CACNB2: variants seen among roughly 807,000 people sequenced by gnomAD.
CACNB2 encodes the protein calcium voltage-gated channel auxiliary subunit beta 2, also known as voltage-dependent L-type calcium channel subunit beta-2.
A neutral mutation model predicts 73.3 loss-of-function variants in CACNB2; 42 were observed. The ratio of observed to expected loss-of-function variants is 0.57; its 90% CI spans 0.45 to 0.74. CACNB2 has a LOEUF of 0.74. Ranked by LOEUF, CACNB2 falls within the 30% of genes least tolerant of loss-of-function variation. CACNB2 has a pLI of 0.00. For synonymous variants in CACNB2, 348 were observed against 310.3 expected, an observed-to-expected ratio of 1.12 and a Z score of -1.28; for missense variants, 940 against 853.0, an observed-to-expected ratio of 1.10 and a Z score of -1.27.
Position 18,527,692 on chromosome 10 carries a change from G to A in CACNB2, c.1049G>A (p.Ser350Asn). The A allele has an allele frequency of 6.2e-7, 1 of 1,603,086 alleles. No individual in the cohort carries two copies. Among genetic ancestry groups the A allele is most frequent in the Non-Finnish European group, 8.5e-7 (1 of 1,170,450 alleles). Residue 350 changes from serine to asparagine, a missense_variant, in exon 10 of 14, where the codon AGC becomes AAC. Coordinates refer to ENST00000324631, the MANE Select transcript of CACNB2 (RefSeq NM_201596.3). ...AIIERSNTRSSLAEVQSEIER... is the reference protein window; with the variant it reads ...AIIERSNTRSNLAEVQSEIER... ...ATAGAAAGATCCAACACAAGGTCAA[G>A]CTTAGGTAAGTCTGTGCAATGAGCT...
chr10:18,413,339 C>G (rs575195466), intron 3 of CACNB2, among the ~76,000 whole-genome samples: 1 of 152,194 alleles, frequency 6.6e-6, no homozygotes, highest in African/African-American at 2.4e-5. Flanking sequence ...ACCTCAGGAG[C>G]GAGCTTTAAA....
At position 18,141,521 on chromosome 10, in the gene CACNB2, C is replaced by G. The variant is rs551280897; in HGVS notation, c.120+665C>G. ...GACAAGAAAGTTTTTATTTTTCCGT[C>G]TCCCCTGAAATGTTAGCCATTTCAG... On this transcript the variant is annotated intron_variant, in intron 1 of 13. Transcript: ENST00000324631. Among the ~76,000 whole-genome samples, 532 of 152,338 alleles carry G rather than the reference C, an allele frequency of 3.5e-3. 6 individuals are homozygous for G. The highest frequency in any genetic ancestry group is 0.012 in the African/African-American group (514 of 41,576).
chr10:18,289,524 G>A (rs1374152573), intron 2 of CACNB2, among the ~76,000 whole-genome samples: 1 of 151,946 alleles, frequency 6.6e-6, no homozygotes, highest in African/African-American at 2.4e-5. Flanking sequence ...TTAATCTCCT[G>A]ACCTCGTGAT....
chr10:18,526,680 A>AT (rs1328022017), intron 9 of CACNB2, among the ~76,000 whole-genome samples: 1 of 152,172 alleles, frequency 6.6e-6, no homozygotes, highest in Non-Finnish European at 1.5e-5. Context: ...CTTATCTAAA[A>AT]TGATACTCCC....
chr10:18,319,687 T>C (rs1291686962), intron 2 of CACNB2, among the ~76,000 whole-genome samples: 1 of 152,038 alleles, frequency 6.6e-6, no homozygotes, highest in African/African-American at 2.4e-5. Flanking sequence ...AAAAGAATAT[T>C]TTGTAACTGA....
chr10:18,390,106 A>C (rs1241695478), intron 2 of CACNB2, among the ~76,000 whole-genome samples: 3 of 152,188 alleles, frequency 2.0e-5, no homozygotes, highest in Non-Finnish European at 4.4e-5. Context: ...TTAATTGTTC[A>C]TTGCCACCCG....
chr10:18,240,361 G>A (rs2036600778), intron 2 of CACNB2, among the ~76,000 whole-genome samples: 1 of 152,128 alleles, frequency 6.6e-6, no homozygotes, highest in African/African-American at 2.4e-5. Context: ...TCTCATGCAG[G>A]TTGTGGATTC....
In CACNB2 at chr10:18,217,734, T is replaced by C. The variant is rs540829115; in HGVS notation, c.213+66759T>C. Among the ~76,000 whole-genome samples the C allele has an allele frequency of 2.0e-5, 3 of 151,684 alleles. No individual in the cohort carries two copies. The East Asian group carries it at 5.9e-4, about 30-fold the overall frequency. On this transcript the variant is annotated intron_variant, in intron 2 of 13. Transcript: ENST00000324631. Reference sequence around the variant, plus strand: ...AGAGAGAACAGCCATTGCGAAGGCCTAAAGACCATGTGACTGGTGTGTTCA... The same window carrying C: ...AGAGAGAACAGCCATTGCGAAGGCCCAAAGACCATGTGACTGGTGTGTTCA...
intron 2 of CACNB2, among the ~76,000 whole-genome samples, chr10:18,344,080 A>AAG (rs2041347382): frequency 6.6e-6 from 1 of 152,106 alleles, no homozygotes; most frequent in African/African-American, 2.4e-5. Context: ...AAAAAAAAAA[A>AAG]AAAGAAAGTT....
At position 18,432,952 on chromosome 10, in the gene CACNB2, A is replaced by C. The variant is rs576436679; in HGVS notation, c.333+30909A>C. Among the ~76,000 whole-genome samples the C allele has an allele frequency of 1.2e-3, 178 of 152,368 alleles. 1 individual carries two copies. The highest frequency in any genetic ancestry group is 4.1e-3 in the African/African-American group (171 of 41,588). On this transcript the variant is annotated intron_variant, in intron 3 of 13. Coordinates refer to ENST00000324631, the MANE Select transcript of CACNB2 (RefSeq NM_201596.3). ...AAGAAAATATTTTAACACCTTTGAGATAAAAGAGAGATAGAGATGACTGGT... is the reference window on the plus strand; with the variant it reads ...AAGAAAATATTTTAACACCTTTGAGCTAAAAGAGAGATAGAGATGACTGGT...
At chr10:18,155,803 C>T (rs1465124993) in intron 2 of CACNB2, among the ~76,000 whole-genome samples, 1 of 151,330 alleles carries the variant, frequency 6.6e-6, no homozygotes, top group Non-Finnish European at 1.5e-5. Context: ...TTTCTGATAT[C>T]TAACCCACAA....
chr10:18,233,639 G>A (rs987649738), intron 2 of CACNB2, among the ~76,000 whole-genome samples: 3 of 152,124 alleles, frequency 2.0e-5, no homozygotes, highest in African/African-American at 4.8e-5. Context: ...TTTGTTGTTC[G>A]AAGAGCCAAG....
intron 3 of CACNB2, among the ~76,000 whole-genome samples, chr10:18,417,883 T>TA (rs1160204615): frequency 1.3e-5 from 2 of 151,902 alleles, no homozygotes; most frequent in East Asian, 1.9e-4. Context: ...TGAAACGATT[T>TA]AAAAAAAGAT....
At chr10:18,162,716 T>C (rs1353399634) in intron 2 of CACNB2, among the ~76,000 whole-genome samples, 2 of 152,136 alleles carry the variant, frequency 1.3e-5, no homozygotes, top group Non-Finnish European at 2.9e-5. Flanking sequence ...TCCTAGGGAA[T>C]TAGTAAACCA....
chr10:18,483,487 C>T (rs1253678383), intron 3 of CACNB2, among the ~76,000 whole-genome samples: 8 of 148,520 alleles, frequency 5.4e-5, no homozygotes, highest in African/African-American at 2.0e-4. Context: ...GCCAAGATCA[C>T]TCCACTGCAC....
At chr10:18,410,144 G>A (rs77829924) in intron 3 of CACNB2, among the ~76,000 whole-genome samples, 3,222 of 152,122 alleles carry the variant, frequency 0.021, 110 homozygotes, top group South Asian at 0.12. Context: ...CTCCTTAGCC[G>A]TCCTGCCCGC....
At chr10:18,434,837 G>A (rs1172948584) in intron 3 of CACNB2, among the ~76,000 whole-genome samples, 1 of 152,206 alleles carries the variant, frequency 6.6e-6, no homozygotes, top group East Asian at 1.9e-4. Context: ...AGCTATCAGA[G>A]TGATAAAGTC....
chr10:18,491,597 A>G (rs964657720), intron 3 of CACNB2, among the ~76,000 whole-genome samples: 1 of 152,084 alleles, frequency 6.6e-6, no homozygotes, highest in Non-Finnish European at 1.5e-5. Flanking sequence ...GGGAAAAACA[A>G]TCTGGTAGGC....
chr10:18,358,545 T>TCTCTCTCG (rs1368733411), intron 2 of CACNB2, among the ~76,000 whole-genome samples: 1 of 29,418 alleles, frequency 3.4e-5, no homozygotes, highest in African/African-American at 1.1e-4. Flanking sequence ...TCTCTCTCTC[T>TCTCTCTCG]CTCTCTCGCT....
Sources: allele counts gnomAD v4.1 joint callset (sites outside exome capture counted in the v4.1 genomes callset), GRCh38; gene constraint gnomAD v4.1.1; transcripts MANE v1.5; gene names NCBI Gene and HGNC (gene_info 2026-07-23, HGNC 2026-07-21).